The following FAM193A variants were observed in gnomAD, a reference collection of about 807,000 sequenced individuals.
FAM193A encodes the protein family with sequence similarity 193 member A.
A neutral mutation model predicts 126.5 loss-of-function variants in FAM193A; 22 were observed. The ratio of observed to expected loss-of-function variants is 0.17; its 90% CI spans 0.12 to 0.25. The LOEUF (loss-of-function observed/expected upper bound fraction) is 0.25. FAM193A is among the 10% of genes least tolerant of loss of function. FAM193A has a pLI of 1.00. For missense variants in FAM193A, 1,675 were observed against 1,672.8 expected (o/e 1.00, Z -0.02); for synonymous variants, 761 against 646.8 (o/e 1.18, Z -2.68).
At chr4:2,624,170 A>T (rs1477777012) in intron 2 of FAM193A, among the ~76,000 whole-genome samples, 2 of 151,182 alleles carry the variant, frequency 1.3e-5, no homozygotes, top group Non-Finnish European at 2.9e-5. Context: ...TCTTTGCCCA[A>T]TGTTCTCTCT....
At chr4:2,684,989 G>T (rs1488001121) in intron 13 of FAM193A, among the ~76,000 whole-genome samples, 1 of 152,154 alleles carries the variant, frequency 6.6e-6, no homozygotes, top group East Asian at 1.9e-4. Flanking sequence ...ACGACTACAG[G>T]GCCTGAATCT....
intron 13 of FAM193A, among the ~76,000 whole-genome samples, chr4:2,682,451 A>G (rs1218366258): frequency 2.6e-5 from 4 of 152,156 alleles, no homozygotes; most frequent in African/African-American, 4.8e-5. Flanking sequence ...GGCACATGCC[A>G]CCATGCTTGT....
At chr4:2,686,363 A>G (rs952997927) in intron 13 of FAM193A, among the ~76,000 whole-genome samples, 75 of 152,214 alleles carry the variant, frequency 4.9e-4, no homozygotes, top group Non-Finnish European at 2.1e-4. Flanking sequence ...TGAACACCCA[A>G]TATGTGCCAG....
In FAM193A at chr4:2,586,237, TC is replaced by T. The variant is rs559174514; in HGVS notation, c.256-9845del. On this transcript the variant is annotated intron_variant, in intron 1 of 20. Transcript: ENST00000637812. ...CAGCCTGGGCAACAAGAGCAAAAACTCCGTCTCAAAAAAAAAAATATATATA... is the reference window on the plus strand; with the variant it reads ...CAGCCTGGGCAACAAGAGCAAAAACTCGTCTCAAAAAAAAAAATATATATA... 1.1e-3 allele frequency among the ~76,000 whole-genome samples: 158 copies of T among 142,090 alleles called. 4 individuals are homozygous for T. In the South Asian group the frequency reaches 0.032, roughly 29 times the overall value. 93.2% of individuals were successfully genotyped at this position (142,090 alleles called of 152,430 possible).
chr4:2,555,426 G>GGA (rs1738191049), intron 1 of FAM193A, among the ~76,000 whole-genome samples: 1 of 152,064 alleles, frequency 6.6e-6, no homozygotes, highest in Non-Finnish European at 1.5e-5. Context: ...TCTATAACTT[G>GGA]GTGACCAAAT....
chr4:2,629,129 G>A (rs1333705158), intron 4 of FAM193A, among the ~76,000 whole-genome samples: 1 of 151,326 alleles, frequency 6.6e-6, no homozygotes, highest in Non-Finnish European at 1.5e-5. Flanking sequence ...ACCCTGCCCC[G>A]CTGCCTTCTT....
chr4:2,560,516 C>T (rs1389267583), intron 1 of FAM193A, among the ~76,000 whole-genome samples: 3 of 152,170 alleles, frequency 2.0e-5, no homozygotes, highest in Admixed American at 2.0e-4. Context: ...TGAGCTTCTG[C>T]ATTTCTTCCC....
chr4:2,691,425 C>A (rs1325269247), intron 15 of FAM193A, among the ~76,000 whole-genome samples: 1 of 152,164 alleles, frequency 6.6e-6, no homozygotes, highest in African/African-American at 2.4e-5. Context: ...CCATTTTGGC[C>A]AGGCTAGGAG....
At position 2,662,969 on chromosome 4, in the gene FAM193A, A is replaced by T; in HGVS notation, c.1877A>T (p.Glu626Val). Reference sequence around the variant, plus strand: ...CACAGCGAATTGAATGGTGGCGGGGAAAACATGGCCCTGAAGGATGAGGTA... The same window carrying T: ...CACAGCGAATTGAATGGTGGCGGGGTAAACATGGCCCTGAAGGATGAGGTA... ...GIHSELNGGG[E>V]NMALKDESPQ... Residue 626 changes from glutamate (E) to valine (V), a missense_variant, in exon 11 of 21, where the codon GAA becomes GTA. Physicochemically the swap from Glu to Val is moderately radical, Grantham distance 121. Around this residue, in one of 4 missense-constraint regions of FAM193A, gnomAD observed 1,186 missense variants for 1,109.2 expected, o/e 1.07. Coordinates refer to ENST00000637812, the MANE Select transcript of FAM193A (RefSeq NM_001366318.2). 6.2e-7 allele frequency: 1 copy of T among 1,613,040 alleles called. No individual in the cohort carries two copies. Among genetic ancestry groups the T allele is most frequent in the Non-Finnish European group, 8.5e-7 (1 of 1,179,018 alleles).
intron 13 of FAM193A, among the ~76,000 whole-genome samples, chr4:2,686,078 A>C (rs769147195): frequency 2.6e-5 from 4 of 152,226 alleles, no homozygotes; most frequent in Non-Finnish European, 4.4e-5. Flanking sequence ...AAAATGGTCT[A>C]GGTGACAGAC....
intron 10 of FAM193A, among the ~76,000 whole-genome samples, chr4:2,660,368 G>A (rs1386111870): frequency 2.6e-5 from 4 of 152,270 alleles, no homozygotes; most frequent in South Asian, 2.1e-4. Flanking sequence ...CCAGTCCGCC[G>A]TCTGTCCTGT....
chr4:2,707,375 C>T (rs1258866873), intron 19 of FAM193A, among the ~76,000 whole-genome samples: 2 of 152,068 alleles, frequency 1.3e-5, no homozygotes, highest in Middle Eastern at 3.2e-3. Flanking sequence ...ATGGGATCTT[C>T]TCCACCATTA....
chr4:2,683,273 C>T (rs1196184434), intron 13 of FAM193A, among the ~76,000 whole-genome samples: 1 of 151,700 alleles, frequency 6.6e-6, no homozygotes, highest in East Asian at 1.9e-4. Context: ...CAGCTGCTTT[C>T]AAGATTTTCT....
At chr4:2,711,908 CAG>C (rs1719020920) in intron 19 of FAM193A, among the ~76,000 whole-genome samples, 1 of 152,070 alleles carries the variant, frequency 6.6e-6, no homozygotes, top group Non-Finnish European at 1.5e-5. Context: ...GCCTGGGAGA[CAG>C]AGCGAGACTC....
chr4:2,546,268 A>C (rs549697023), intron 1 of FAM193A, among the ~76,000 whole-genome samples: 1 of 151,998 alleles, frequency 6.6e-6, no homozygotes, highest in African/African-American at 2.4e-5. Context: ...TTGGGATTAC[A>C]GGTGTAGGCT....
chr4:2,617,183 TAA>T (rs564369069), intron 2 of FAM193A, among the ~76,000 whole-genome samples: 205 of 78,584 alleles, frequency 2.6e-3, no homozygotes, highest in African/African-American at 8.9e-3. Context: ...AAAAAAAAAT[TAA>T]AAAAAAAAAA....
At chr4:2,617,670 C>T (rs1448162470) in intron 2 of FAM193A, among the ~76,000 whole-genome samples, 1 of 152,094 alleles carries the variant, frequency 6.6e-6, no homozygotes, top group Non-Finnish European at 1.5e-5. Flanking sequence ...TTTTCAGCCT[C>T]TACTCTCAAA....
intron 2 of FAM193A, among the ~76,000 whole-genome samples, chr4:2,614,066 C>G (rs1382454320): frequency 1.3e-5 from 2 of 152,206 alleles, no homozygotes; most frequent in African/African-American, 2.4e-5. Context: ...AGCCACCGCA[C>G]CCGGCCTTCC....
chr4:2,730,859 C>G (rs1447159092), intron 20 of FAM193A, among the ~76,000 whole-genome samples: 2 of 152,000 alleles, frequency 1.3e-5, no homozygotes, highest in African/African-American at 4.8e-5. Flanking sequence ...TGCCACTGCA[C>G]TCCAGCCTGG....
Sources: gnomAD v4.1 joint callset for allele counts (sites outside exome capture counted in the v4.1 genomes callset) on GRCh38, gnomAD v4.1.1 for gene constraint, gnomAD v4.1.1 regional missense constraint, MANE v1.5 for transcripts, NCBI Gene and HGNC (gene_info 2026-07-23, HGNC 2026-07-21) for gene names.